The following GATM variants were observed in gnomAD, a reference collection of about 807,000 sequenced individuals.
GATM encodes glycine amidinotransferase, mitochondrial.
Under a neutral mutation model 54.2 loss-of-function variants are expected in GATM, and 23 were observed. The observed-to-expected ratio is 0.42, with a 90% CI of 0.31 to 0.60. The LOEUF (loss-of-function observed/expected upper bound fraction) is 0.60, where lower values mean the gene tolerates loss of function less well. Among genes scored for constraint, GATM ranks in the 20% least tolerant of loss-of-function variants. The pLI is 0.14. For missense variants in GATM, 401 were observed against 544.9 expected, an observed-to-expected ratio of 0.74 and a Z score of 2.63; for synonymous variants, 168 against 183.1, an observed-to-expected ratio of 0.92 and a Z score of 0.67.
chr15:45,394,841 C>T (rs1331426458), intron 3 of GATM, among the ~76,000 whole-genome samples: 2 of 152,154 alleles, frequency 1.3e-5, no homozygotes, highest in African/African-American at 4.8e-5. Flanking sequence ...GGATTCAGAA[C>T]ACGTATCTTC....
intron 2 of GATM, among the ~76,000 whole-genome samples, chr15:45,397,717 C>T (rs1889949902): frequency 6.6e-6 from 1 of 152,156 alleles, no homozygotes; most frequent in Non-Finnish European, 1.5e-5. Flanking sequence ...CATGGGAAGC[C>T]CAATTTACAG....
intron 2 of GATM, chr15:45,399,479 G>A (rs1889973116): frequency 6.6e-6 from 1 of 152,268 alleles, no homozygotes; most frequent in Admixed American, 6.5e-5. Context: ...AGAAACATGA[G>A]GGAGCTAGCT....
intron 1 of GATM, 34 bp downstream of exon 1, chr15:45,378,351 C>A (rs985240680): frequency 2.0e-6 from 3 of 1,494,226 alleles, no homozygotes; most frequent in Non-Finnish European, 2.7e-6. Flanking sequence ...GAGTGAGTCA[C>A]GCGGCCGCCA....
intron 1 of GATM, among the ~76,000 whole-genome samples, chr15:45,399,859 A>T (rs1314561688): frequency 6.8e-6 from 1 of 148,100 alleles, no homozygotes; most frequent in Non-Finnish European, 1.5e-5. Flanking sequence ...CAATTCATAG[A>T]ATTAACAAAT....
intron 3 of GATM, among the ~76,000 whole-genome samples, chr15:45,388,656 A>G (rs755901526): frequency 2.0e-5 from 3 of 152,186 alleles, no homozygotes; most frequent in Non-Finnish European, 4.4e-5. Context: ...TGTATTTCTC[A>G]TGATTGGACT....
upstream of GATM, among the ~76,000 whole-genome samples, chr15:45,382,804 G>GTAA (rs145436247): frequency 0.013 from 1,950 of 151,898 alleles, 39 homozygotes; most frequent in African/African-American, 0.045. Context: ...AAAAATATTA[G>GTAA]TAATAATAAT....
At chr15:45,401,020 A>G (rs1425987525) in intron 1 of GATM, among the ~76,000 whole-genome samples, 3 of 152,220 alleles carry the variant, frequency 2.0e-5, no homozygotes, top group African/African-American at 7.2e-5. Flanking sequence ...CCCAAACCAA[A>G]AAGAACTGAA....
At chr15:45,371,720 A>G (rs1426547091) in intron 2 of GATM, among the ~76,000 whole-genome samples, 1 of 152,214 alleles carries the variant, frequency 6.6e-6, no homozygotes, top group Non-Finnish European at 1.5e-5. Flanking sequence ...TCCCTAATAC[A>G]TCATGGGACT....
chr15:45,376,519 G>C (rs1889638617), intron 2 of GATM, 82 bp downstream of exon 2: 1 of 1,175,190 alleles, frequency 8.5e-7, no homozygotes, highest in Non-Finnish European at 1.3e-6. Flanking sequence ...CTGGGAGTAA[G>C]CTGAAGGGAA....
intron 3 of GATM, among the ~76,000 whole-genome samples, chr15:45,388,369 C>T (rs1015666525): frequency 6.6e-6 from 1 of 152,208 alleles, no homozygotes; most frequent in Non-Finnish European, 1.5e-5. Flanking sequence ...TTGTCTTCCA[C>T]AGCTAAGATA....
intron 3 of GATM, among the ~76,000 whole-genome samples, chr15:45,384,943 C>T (rs929583832): frequency 2.0e-5 from 3 of 152,128 alleles, no homozygotes; most frequent in Non-Finnish European, 2.9e-5. Flanking sequence ...CCTGGGTTCC[C>T]ATGATCCTCC....
intron 3 of GATM, among the ~76,000 whole-genome samples, chr15:45,391,733 A>G (rs1381481900): frequency 1.3e-5 from 2 of 152,252 alleles, no homozygotes; most frequent in Non-Finnish European, 2.9e-5. Flanking sequence ...ACAAATTTAT[A>G]TTAGAGTTGG....
In GATM at chr15:45,369,511, T is replaced by A; in HGVS notation, c.299A>T (p.Tyr100Phe). 1 of 1,614,054 alleles carries A rather than the reference T, an allele frequency of 6.2e-7. No homozygotes were observed. Among genetic ancestry groups the A allele is most frequent in the Non-Finnish European group, 8.5e-7 (1 of 1,179,916 alleles). ...PFTIEVKANT[Y>F]EKYWPFYQKQ... ...CTGGTAAAATGGCCAGTACTTTTCATATGTGTTGGCCTGGAAGTAGAAGCA... is the reference window on the plus strand; with the variant it reads ...CTGGTAAAATGGCCAGTACTTTTCAAATGTGTTGGCCTGGAAGTAGAAGCA... Residue 100 changes from tyrosine to phenylalanine, a missense_variant, in exon 3 of 9, where the codon TAT (tyrosine) becomes TTT (phenylalanine). Tyr to Phe is a conservative substitution (Grantham distance 22). Coordinates refer to ENST00000396659, the MANE Select transcript of GATM (RefSeq NM_001482.3).
chr15:45,371,730 T>G (rs1168858549), intron 2 of GATM, among the ~76,000 whole-genome samples: 2 of 152,236 alleles, frequency 1.3e-5, no homozygotes, highest in African/African-American at 4.8e-5. Flanking sequence ...ATCATGGGAC[T>G]TGGCCATGTT....
intron 2 of GATM, among the ~76,000 whole-genome samples, chr15:45,398,328 TA>T (rs1295214149): frequency 6.6e-6 from 1 of 152,210 alleles, no homozygotes; most frequent in Non-Finnish European, 1.5e-5. Context: ...CATTAACTTC[TA>T]AAAAATGATG....
chr15:45,398,686 T>C (rs1889961739), intron 2 of GATM, among the ~76,000 whole-genome samples: 1 of 152,242 alleles, frequency 6.6e-6, no homozygotes, highest in Non-Finnish European at 1.5e-5. Context: ...CAAATCATGC[T>C]TTTTCAAGGG....
chr15:45,376,109 G>C (rs958817084), intron 2 of GATM, among the ~76,000 whole-genome samples: 1 of 152,198 alleles, frequency 6.6e-6, no homozygotes, highest in Admixed American at 6.5e-5. Flanking sequence ...TAAAAGGCAG[G>C]AATGAGGAGG....
chr15:45,393,912 G>A (rs1488029854), intron 3 of GATM, among the ~76,000 whole-genome samples: 2 of 152,188 alleles, frequency 1.3e-5, no homozygotes, highest in Admixed American at 6.5e-5. Flanking sequence ...CTATTTCAAA[G>A]ATTTTAAGAA....
intron 1 of GATM, chr15:45,377,495 T>G (rs1889659430): frequency 3.0e-6 from 1 of 333,186 alleles, no homozygotes; most frequent in East Asian, 8.2e-5. Flanking sequence ...TTCAAACAAA[T>G]AAGAAGGAGA....
Sources: allele counts gnomAD v4.1 joint callset (sites outside exome capture counted in the v4.1 genomes callset), GRCh38; gene constraint gnomAD v4.1.1; transcripts MANE v1.5; gene names NCBI Gene and HGNC (gene_info 2026-07-23, HGNC 2026-07-21).